OLA1: variants seen among roughly 807,000 people sequenced by gnomAD.
OLA1 encodes the protein obg-like ATPase 1.
In OLA1, 14 loss-of-function variants were observed where a neutral mutation model predicts 48.4. The ratio of observed to expected loss-of-function variants is 0.29; its 90% confidence interval spans 0.19 to 0.45. OLA1 has a LOEUF of 0.45. Among genes scored for constraint, OLA1 ranks in the 20% least tolerant of loss-of-function variants. The probability of loss-of-function intolerance (pLI) is 1.00; values close to 1 mark genes in which losing one functional copy is unlikely to be tolerated. For synonymous variants in OLA1, 127 were observed against 150.4 expected (o/e 0.84, Z 1.14); for missense variants, 325 against 467.1 (o/e 0.70, Z 2.80).
At chr2:174,098,601 A>T (rs921080551) in intron 7 of OLA1, among the ~76,000 whole-genome samples, 15 of 152,224 alleles carry the variant, frequency 9.9e-5, no homozygotes, top group African/African-American at 3.6e-4. Context: ...GTAGCATGGA[A>T]TATGGTTATA....
intron 4 of OLA1, among the ~76,000 whole-genome samples, chr2:174,171,519 C>G (rs1005487470): frequency 2.0e-5 from 3 of 151,792 alleles, no homozygotes; most frequent in Non-Finnish European, 4.4e-5. Context: ...TAAGAATCAA[C>G]AGATCAAAGA....
intron 4 of OLA1, among the ~76,000 whole-genome samples, chr2:174,145,333 G>GT (rs531908406): frequency 4.0e-5 from 6 of 151,570 alleles, no homozygotes; most frequent in Non-Finnish European, 8.8e-5. Context: ...AGTTTCTAGG[G>GT]TTTTTTTTCC....
At chr2:174,100,157 T>C (rs994870546) in intron 7 of OLA1, among the ~76,000 whole-genome samples, 1 of 152,150 alleles carries the variant, frequency 6.6e-6, no homozygotes, top group Non-Finnish European at 1.5e-5. Flanking sequence ...AATAATAATA[T>C]GTCACACAGC....
chr2:174,207,321 AT>A (rs1248393528), intron 4 of OLA1, among the ~76,000 whole-genome samples: 1 of 152,226 alleles, frequency 6.6e-6, no homozygotes, highest in African/African-American at 2.4e-5. Flanking sequence ...CTGGAATCTT[AT>A]TTTTAAAGCC....
chr2:174,174,035 C>CAAAAA (rs112671944), intron 4 of OLA1, among the ~76,000 whole-genome samples: 3 of 135,652 alleles, frequency 2.2e-5, no homozygotes, highest in Non-Finnish European at 3.3e-5. Flanking sequence ...CACACACACA[C>CAAAAA]AAAAAAAAAA....
rs1053847840 is a variant in OLA1, at chr2:174,204,139, C to G, written c.373+18894G>C. ...AATTTAGTCCAGGCGCAGTGGCTCA[C>G]GCCTGTAATCCCAGCACTTTGGGAG... On this transcript the variant is annotated intron_variant, in intron 4 of 10. Transcript: ENST00000284719. 2.0e-5 allele frequency among the ~76,000 whole-genome samples: 3 copies of G among 151,548 alleles called. No homozygotes were observed. In the East Asian group the frequency reaches 6.0e-4, roughly 30 times the overall value.
At chr2:174,076,103 T>C (rs1373711066) in intron 10 of OLA1, among the ~76,000 whole-genome samples, 1 of 152,208 alleles carries the variant, frequency 6.6e-6, no homozygotes, top group African/African-American at 2.4e-5. Flanking sequence ...TACGGTTTCC[T>C]GACTAATGGC....
intron 5 of OLA1, among the ~76,000 whole-genome samples, chr2:174,129,397 G>A (rs913634643): frequency 6.6e-6 from 1 of 151,808 alleles, no homozygotes; most frequent in Non-Finnish European, 1.5e-5. Flanking sequence ...GGCGGAGCTT[G>A]CAGTGAGCCA....
At position 174,109,533 on chromosome 2, in the gene OLA1, C is replaced by T. The variant is rs191996898; in HGVS notation, c.728+13647G>A. On this transcript the variant is annotated intron_variant, in intron 7 of 10. Transcript: ENST00000284719. Reference sequence around the variant, plus strand: ...TTCCAGTAACACTTAAAAGCTTTTACAAGTACTAATTTCAAGAGATCCAGG... The same window carrying T: ...TTCCAGTAACACTTAAAAGCTTTTATAAGTACTAATTTCAAGAGATCCAGG... Among the ~76,000 whole-genome samples, 569 of 152,254 alleles carry T rather than the reference C, an allele frequency of 3.7e-3. 3 individuals are homozygous for T. The highest frequency in any genetic ancestry group is 4.0e-3 in the Non-Finnish European group (271 of 68,014).
At chr2:174,137,215 C>G (rs1386689234) in intron 5 of OLA1, among the ~76,000 whole-genome samples, 1 of 152,184 alleles carries the variant, frequency 6.6e-6, no homozygotes, top group Non-Finnish European at 1.5e-5. Context: ...CTGGAATGAT[C>G]AGGTACTTTG....
At chr2:174,097,693 C>A (rs922145472) in intron 7 of OLA1, among the ~76,000 whole-genome samples, 3 of 151,360 alleles carry the variant, frequency 2.0e-5, no homozygotes, top group Admixed American at 6.6e-5. Flanking sequence ...CCATTGCACT[C>A]CAGCCTGGGC....
In OLA1 at chr2:174,085,316, G is replaced by C. The variant is rs531167320; in HGVS notation, c.729-3252C>G. ...CAGGCTGCACAGCAGGAGGTGAGTG[G>C]GGAACGAGCATCACCACTTGAGCCC... On this transcript the variant is annotated intron_variant, in intron 7 of 10. Coordinates refer to ENST00000284719, the MANE Select transcript of OLA1 (RefSeq NM_013341.5). Among the ~76,000 whole-genome samples, 5 of 152,290 alleles carry C rather than the reference G, an allele frequency of 3.3e-5. No individual in the cohort carries two copies. The South Asian group carries it at 1.0e-3, about 32-fold the overall frequency.
At chr2:174,119,495 G>A (rs1428109007) in intron 7 of OLA1, among the ~76,000 whole-genome samples, 1 of 152,022 alleles carries the variant, frequency 6.6e-6, no homozygotes, top group African/African-American at 2.4e-5. Flanking sequence ...AGAAAATTGT[G>A]TGTCAAAAAT....
chr2:174,198,956 T>C (rs1191015493), intron 4 of OLA1, among the ~76,000 whole-genome samples: 1 of 152,228 alleles, frequency 6.6e-6, no homozygotes, highest in East Asian at 1.9e-4. Flanking sequence ...ACTTGGTCAA[T>C]GTATTCATCA....
chr2:174,111,119 C>A (rs1477183485), intron 7 of OLA1, among the ~76,000 whole-genome samples: 3 of 152,092 alleles, frequency 2.0e-5, no homozygotes. Flanking sequence ...TTATTTAATT[C>A]TCATAATTCT....
intron 4 of OLA1, among the ~76,000 whole-genome samples, chr2:174,199,800 A>T (rs763808355): frequency 2.0e-4 from 30 of 152,226 alleles, no homozygotes; most frequent in Non-Finnish European, 4.4e-4. Context: ...TTATTTGTCA[A>T]GTTTTGATGT....
At chr2:174,156,623 T>C (rs1031468166) in intron 4 of OLA1, among the ~76,000 whole-genome samples, 6 of 145,932 alleles carry the variant, frequency 4.1e-5, no homozygotes, top group African/African-American at 7.7e-5. Flanking sequence ...TTGCTATTGT[T>C]GCCCAGGCTG....
chr2:174,082,546 T>G (rs1433580007), intron 7 of OLA1, among the ~76,000 whole-genome samples: 1 of 152,142 alleles, frequency 6.6e-6, no homozygotes, highest in Non-Finnish European at 1.5e-5. Flanking sequence ...TTTAGTTCCT[T>G]CATGGACTAA....
At chr2:174,243,859 T>G (rs957741873) in intron 2 of OLA1, among the ~76,000 whole-genome samples, 1 of 152,160 alleles carries the variant, frequency 6.6e-6, no homozygotes, top group African/African-American at 2.4e-5. Context: ...CAAGAGATTC[T>G]CTAGATGGTT....
Sources: gnomAD v4.1 joint callset for allele counts (sites outside exome capture counted in the v4.1 genomes callset) on GRCh38, gnomAD v4.1.1 for gene constraint, MANE v1.5 for transcripts, NCBI Gene and HGNC (gene_info 2026-07-23, HGNC 2026-07-21) for gene names.